The following P2RY6 variants were observed in gnomAD, a reference collection of about 807,000 sequenced individuals.
P2RY6 encodes pyrimidinergic receptor P2Y6.
Under a neutral mutation model 16.3 loss-of-function variants are expected in P2RY6, and 19 were observed. That is an observed-to-expected ratio of 1.16 (90% CI 0.81 to 1.71). The LOEUF (loss-of-function observed/expected upper bound fraction) is 1.71, where lower values mean the gene tolerates loss of function less well. Ranked by LOEUF, P2RY6 falls within the 40% of genes most tolerant of loss-of-function variation. The probability of loss-of-function intolerance (pLI) is 0.00; values close to 1 mark genes in which losing one functional copy is unlikely to be tolerated. For missense variants in P2RY6, 389 were observed against 455.5 expected, an observed-to-expected ratio of 0.85 and a Z score of 1.33; for synonymous variants, 184 against 201.5, an observed-to-expected ratio of 0.91 and a Z score of 0.74.
chr11:73,265,937 C>A (rs1591655400), intron 1 of P2RY6, among the ~76,000 whole-genome samples: 1 of 152,214 alleles, frequency 6.6e-6, no homozygotes, highest in East Asian at 1.9e-4. Flanking sequence ...GTATTTGCCT[C>A]ATAGGTTATT....
intron 1 of P2RY6, among the ~76,000 whole-genome samples, chr11:73,291,580 G>T (rs1021666436): frequency 3.9e-4 from 60 of 152,344 alleles, no homozygotes; most frequent in African/African-American, 1.4e-3. Flanking sequence ...TTTACCAGAA[G>T]TTCAAACCTG....
At chr11:73,294,779 G>C (rs1308695859) in intron 1 of P2RY6, among the ~76,000 whole-genome samples, 1 of 152,190 alleles carries the variant, frequency 6.6e-6, no homozygotes, top group Non-Finnish European at 1.5e-5. Flanking sequence ...GGTACAGTAA[G>C]AACAGCAAAC....
chr11:73,295,770 C>T lies in P2RY6; in HGVS notation c.-80C>T. ...CCAGAAGAACCATGGCTTTGGAAGG[C>T]GGAGTTCAGGCTGAGGAGATGGGTG... On this transcript the variant is annotated 5_prime_UTR_variant, in exon 2 of 3. Transcript: ENST00000540124. 4.1e-6 allele frequency: 4 copies of T among 985,340 alleles called. No individual in the cohort carries two copies. Among genetic ancestry groups the T allele is most frequent in the South Asian group, 4.7e-5 (1 of 21,280 alleles). 61.0% of individuals were successfully genotyped at this position (985,340 alleles called of 1,614,324 possible). A position where few individuals can be genotyped will look rare whatever the true frequency, so the allele number is the denominator to read the frequency against.
intron 1 of P2RY6, 30 bp from the exon 2 acceptor site, chr11:73,295,700 T>G (rs886317503): frequency 1.3e-5 from 11 of 879,008 alleles, no homozygotes; most frequent in Non-Finnish European, 1.5e-5. Context: ...CTTGGGGAAC[T>G]GGGTATCACC....
intron 1 of P2RY6, chr11:73,264,779 G>T: frequency 6.6e-6 from 1 of 152,394 alleles, no homozygotes. Context: ...TATGTGTGTA[G>T]TGTGGGCAAT....
At position 73,297,326 on chromosome 11, in the gene P2RY6, G is replaced by A. The variant is rs763374936; in HGVS notation, c.808G>A (p.Gly270Ser). 43 of 1,610,720 alleles carry A rather than the reference G, an allele frequency of 2.7e-5. No individual in the cohort carries two copies. In the South Asian group the frequency reaches 3.8e-4, roughly 14 times the overall value. ...TAYLAVRSTP[G>S]VPCTVLEAFA... ...CTACCTGGCAGTGCGCTCGACGCCG[G>A]GCGTCCCCTGCACTGTATTGGAGGC... Residue 270 changes from glycine to serine, a missense_variant, in exon 3 of 3, where the codon GGC (glycine) becomes AGC (serine). Transcript: ENST00000540124.
intron 1 of P2RY6, among the ~76,000 whole-genome samples, chr11:73,275,033 A>G (rs769304792): frequency 2.0e-5 from 3 of 152,232 alleles, no homozygotes; most frequent in Non-Finnish European, 2.9e-5. Context: ...TGTCATTAAT[A>G]GCTCCATGGG....
chr11:73,282,800 G>A (rs188166640), intron 1 of P2RY6, among the ~76,000 whole-genome samples: 234 of 152,306 alleles, frequency 1.5e-3, no homozygotes, highest in Non-Finnish European at 1.9e-3. Flanking sequence ...AGCAAAGGTT[G>A]CAAGGGAAGT....
chr11:73,295,564 A>G (rs3741153), intron 1 of P2RY6, among the ~76,000 whole-genome samples, 166 bp from the exon 2 acceptor site: 49,560 of 152,082 alleles, frequency 0.33, 9,832 homozygotes, highest in Admixed American at 0.46. Context: ...CTCTGTAAAC[A>G]AACGGTTGAC....
rs768073493 is a variant in P2RY6 at position 73,297,029 on chromosome 11, C to T, written c.511C>T (p.Gln171Ter). The change falls in exon 3 of 3, where the codon CAG becomes TAG. Residue 171 changes from glutamine (Q) to a stop codon, truncating the protein, a stop_gained. Coordinates refer to ENST00000540124, the MANE Select transcript of P2RY6 (RefSeq NM_001277204.2). LOFTEE classifies it high-confidence loss of function. ...PTAIFAATGI[Q>*]RNRTVCYDLS... ...AGCCATCTTCGCTGCCACAGGCATC[C>T]AGCGTAACCGCACTGTCTGCTATGA... The T allele has an allele frequency of 1.9e-6, 3 of 1,600,804 alleles. No homozygotes were observed. Among genetic ancestry groups the T allele is most frequent in the Non-Finnish European group, 2.5e-6 (3 of 1,179,950 alleles).
At chr11:73,291,904 G>A (rs1169174409) in intron 1 of P2RY6, among the ~76,000 whole-genome samples, 1 of 152,218 alleles carries the variant, frequency 6.6e-6, no homozygotes, top group East Asian at 1.9e-4. Flanking sequence ...TCCCAGGGCA[G>A]CATTCTTTCC....
Position 73,297,387 on chromosome 11 carries a change from C to G in P2RY6, c.869C>G (p.Ala290Gly). 1 of 1,612,206 alleles carries G rather than the reference C, an allele frequency of 6.2e-7. No individual in the cohort carries two copies. Among genetic ancestry groups the G allele is most frequent in the Non-Finnish European group, 8.5e-7 (1 of 1,180,034 alleles). Residue 290 changes from alanine (A) to glycine (G), a missense_variant, in exon 3 of 3, where the codon GCC (alanine) becomes GGC (glycine). Coordinates refer to ENST00000540124, the MANE Select transcript of P2RY6 (RefSeq NM_001277204.2). The stretch of plus-strand genomic sequence containing the variant: ...GCCTACAAAGGCACGCGGCCGTTTG[C>G]CAGTGCCAACAGCGTGCTGGACCCC... Reference protein sequence around the residue: ...AAAYKGTRPFASANSVLDPIL... With the variant: ...AAAYKGTRPFGSANSVLDPIL...
At chr11:73,291,598 TC>T (rs1349874023) in intron 1 of P2RY6, among the ~76,000 whole-genome samples, 2 of 152,232 alleles carry the variant, frequency 1.3e-5, no homozygotes, top group Non-Finnish European at 2.9e-5. Context: ...CTGATTTTTC[TC>T]AGTGTGATCC....
intron 1 of P2RY6, among the ~76,000 whole-genome samples, chr11:73,274,475 G>C (rs920782289): frequency 2.0e-5 from 3 of 150,658 alleles, no homozygotes; most frequent in Non-Finnish European, 4.4e-5. Flanking sequence ...CCAGGAGGCA[G>C]AGGTTGCAGT....
chr11:73,274,581 AAAAG>A (rs1474121654), intron 1 of P2RY6, among the ~76,000 whole-genome samples: 1 of 152,114 alleles, frequency 6.6e-6, no homozygotes, highest in Non-Finnish European at 1.5e-5. Context: ...AAGAAAAAGA[AAAAG>A]AAAGCAGTCA....
Position 73,297,546 on chromosome 11 carries a change from T to C in P2RY6, c.*41T>C, listed in dbSNP as rs552250343. 2.4e-5 allele frequency: 36 copies of C among 1,524,386 alleles called. No individual in the cohort carries two copies. The Admixed American group carries it at 2.9e-4, about 12-fold the overall frequency. 94.4% of individuals were successfully genotyped at this position (1,524,386 alleles called of 1,614,324 possible). A position where few individuals can be genotyped will look rare whatever the true frequency, so the allele number is the denominator to read the frequency against. ...GGCAGCCTTCATATTTGCCATTGTG[T>C]CCGGGGCACCAGGAGCCCCACCAAC... On this transcript the variant is annotated 3_prime_UTR_variant, in exon 3 of 3. Transcript: ENST00000540124.
chr11:73,283,559 G>A (rs965493269), intron 1 of P2RY6, among the ~76,000 whole-genome samples: 2 of 152,202 alleles, frequency 1.3e-5, no homozygotes, highest in African/African-American at 4.8e-5. Context: ...TCTCCCCGAG[G>A]CCTGTGTTTT....
Position 73,296,992 on chromosome 11 carries a change from G to A in P2RY6, c.474G>A (p.Gln158=). 1 of 1,601,470 alleles carries A rather than the reference G, an allele frequency of 6.2e-7. No homozygotes were observed. The highest frequency in any genetic ancestry group is 8.5e-7 in the Non-Finnish European group (1 of 1,179,940). ...CCGTGTGGCTGGCCGTGACAACCCA[G>A]TGCCTGCCCACAGCCATCTTCGCTG... ...CVAVWLAVTT[Q]CLPTAIFAAT... is the part of the protein sequence containing the mutation. The change falls in exon 3 of 3, where the codon CAG becomes CAA. Residue 158 remains glutamine (Q), a synonymous_variant. Coordinates refer to ENST00000540124, the MANE Select transcript of P2RY6 (RefSeq NM_001277204.2).
chr11:73,284,227 A>G (rs1267209639), intron 1 of P2RY6, among the ~76,000 whole-genome samples: 1 of 152,144 alleles, frequency 6.6e-6, no homozygotes, highest in African/African-American at 2.4e-5. Context: ...CAACCAAGTC[A>G]TGTCCTCCAG....
Sources: gnomAD v4.1 joint callset for allele counts (sites outside exome capture counted in the v4.1 genomes callset) on GRCh38, gnomAD v4.1.1 for gene constraint, MANE v1.5 for transcripts, NCBI Gene and HGNC (gene_info 2026-07-23, HGNC 2026-07-21) for gene names.